NXPE2: variants seen among roughly 807,000 people sequenced by gnomAD.
The protein encoded by NXPE2 is neurexophilin and PC-esterase domain family member 2.
A neutral mutation model predicts 34.4 loss-of-function variants in NXPE2; 34 were observed. The ratio of observed to expected loss-of-function variants is 0.99; its 90% CI spans 0.75 to 1.31. NXPE2 has a LOEUF of 1.31. Among genes scored for constraint, NXPE2 ranks in the 40% most tolerant of loss-of-function variants. The pLI, the probability that NXPE2 is intolerant of heterozygous loss-of-function variation, is 0.00. For missense variants in NXPE2, 649 were observed against 672.5 expected (o/e 0.97, Z 0.39); for synonymous variants, 235 against 231.3 (o/e 1.02, Z -0.15).
the NXPE2 span, among the ~76,000 whole-genome samples, chr11:114,810,732 T>C: frequency 6.6e-6 from 1 of 152,172 alleles, no homozygotes; most frequent in Non-Finnish European, 1.5e-5. Context: ...ACTTTCACAT[T>C]GTTGGTGGGA....
chr11:114,767,555 G>T, the NXPE2 span, among the ~76,000 whole-genome samples: 2 of 152,158 alleles, frequency 1.3e-5, no homozygotes, highest in African/African-American at 2.4e-5. Flanking sequence ...TAGCAAAACT[G>T]TGAGTTTACT....
chr11:114,497,598 A>G, the NXPE2 span, among the ~76,000 whole-genome samples: 1 of 152,256 alleles, frequency 6.6e-6, no homozygotes, highest in African/African-American at 2.4e-5. Flanking sequence ...GCCTAGGAGC[A>G]ATAGGCAATA....
chr11:114,571,169 A>G, the NXPE2 span: 1 of 1,613,986 alleles, frequency 6.2e-7, no homozygotes. Flanking sequence ...TGATAACCAT[A>G]GTGTCTGGGC....
At chr11:114,645,862 A>G in the NXPE2 span, among the ~76,000 whole-genome samples, 4 of 152,338 alleles carry the variant, frequency 2.6e-5, no homozygotes, top group African/African-American at 9.6e-5. Context: ...TATAAAAATT[A>G]TAATTTGTTG....
the NXPE2 span, among the ~76,000 whole-genome samples, chr11:114,769,852 CCTATGGTAGATGACAGGATGAT>C: frequency 3.3e-5 from 5 of 152,114 alleles, no homozygotes; most frequent in Non-Finnish European, 7.4e-5. Context: ...AGGAGAAATA[CCTATGGTAGATGACAGGATGAT>C]GGGTGCAGTA....
the NXPE2 span, among the ~76,000 whole-genome samples, chr11:114,652,384 G>A: frequency 6.6e-6 from 1 of 152,172 alleles, no homozygotes. Flanking sequence ...CCTAGACTGC[G>A]ATTTGTACAG....
the NXPE2 span, among the ~76,000 whole-genome samples, chr11:114,473,992 C>T: frequency 1.3e-5 from 2 of 151,112 alleles, no homozygotes; most frequent in South Asian, 2.1e-4. Context: ...AGGATGGGGG[C>T]GAGAAAGAGA....
chr11:114,725,264 T>C, the NXPE2 span, among the ~76,000 whole-genome samples: 1 of 152,114 alleles, frequency 6.6e-6, no homozygotes, highest in Non-Finnish European at 1.5e-5. Context: ...TGTTAACAAG[T>C]GTGTTGTAAG....
the NXPE2 span, among the ~76,000 whole-genome samples, chr11:114,721,442 G>A: frequency 6.6e-6 from 1 of 152,062 alleles, no homozygotes; most frequent in African/African-American, 2.4e-5. Context: ...ACCTGCTGCT[G>A]TTTCTTGTCA....
the NXPE2 span, among the ~76,000 whole-genome samples, chr11:114,759,013 G>A: frequency 3.9e-5 from 6 of 151,964 alleles, no homozygotes; most frequent in Admixed American, 6.6e-5. Flanking sequence ...ACATGTGCAT[G>A]TGCTCACATC....
chr11:114,600,261 A>T, the NXPE2 span, among the ~76,000 whole-genome samples: 2 of 152,190 alleles, frequency 1.3e-5, no homozygotes, highest in African/African-American at 4.8e-5. Context: ...CAGTAAGAAG[A>T]CATATCTTGG....
At chr11:114,722,700 G>A in the NXPE2 span, among the ~76,000 whole-genome samples, 1 of 152,132 alleles carries the variant, frequency 6.6e-6, no homozygotes, top group African/African-American at 2.4e-5. Flanking sequence ...CAGCAGTGCT[G>A]CATATGAGCA....
the NXPE2 span, among the ~76,000 whole-genome samples, chr11:114,615,186 G>A: frequency 3.8e-4 from 58 of 151,760 alleles, no homozygotes; most frequent in East Asian, 5.1e-3. Context: ...GTATTCCTTC[G>A]TTGGTAACCA....
the NXPE2 span, among the ~76,000 whole-genome samples, chr11:114,499,157 T>C: frequency 6.6e-6 from 1 of 152,168 alleles, no homozygotes; most frequent in Non-Finnish European, 1.5e-5. Flanking sequence ...TTCAGGATTT[T>C]TAGCTTAGAT....
At chr11:114,715,988 G>A in the NXPE2 span, among the ~76,000 whole-genome samples, 1 of 152,298 alleles carries the variant, frequency 6.6e-6, no homozygotes, top group Non-Finnish European at 1.5e-5. Flanking sequence ...TGTATGTTTA[G>A]TCTTTTAATG....
the NXPE2 span, among the ~76,000 whole-genome samples, chr11:114,713,006 G>T: frequency 6.6e-6 from 1 of 152,158 alleles, no homozygotes; most frequent in Admixed American, 6.5e-5. Context: ...GATATTATGC[G>T]AAGTGGAAGA....
chr11:114,798,748 C>T, the NXPE2 span, among the ~76,000 whole-genome samples: 2 of 152,224 alleles, frequency 1.3e-5, no homozygotes, highest in Non-Finnish European at 2.9e-5. Flanking sequence ...TTTCATGGCT[C>T]TCCAGTTTGC....
the NXPE2 span, among the ~76,000 whole-genome samples, chr11:114,723,598 A>G: frequency 1.4e-4 from 21 of 152,162 alleles, no homozygotes; most frequent in African/African-American, 1.9e-4. Flanking sequence ...CCCAAATCTA[A>G]GTTACCTTCA....
In NXPE2 at chr11:114,706,702, G is replaced by C. The variant is rs1951481305; in HGVS notation, c.1452G>C (p.Lys484Asn). ...ERLFLRSPET[K>N]VILKTENTRE... ...TATTCTTGCGAAGCCCGGAGACCAA[G>C]GTGATACTTAAAACTGAAAACACCA... The change falls in exon 6 of 6, where the codon AAG (lysine) becomes AAC (asparagine). Residue 484 changes from lysine to asparagine, a missense_variant. Physicochemically the swap from Lys to Asn is moderately conservative, Grantham distance 94. Coordinates refer to ENST00000389586, the MANE Select transcript of NXPE2 (RefSeq NM_182495.6). 1.3e-6 allele frequency: 2 copies of C among 1,552,194 alleles called. No individual in the cohort carries two copies. The highest frequency in any genetic ancestry group is 2.4e-5 in the East Asian group (1 of 41,060).
Sources: gnomAD v4.1 joint callset for allele counts (sites outside exome capture counted in the v4.1 genomes callset) on GRCh38, gnomAD v4.1.1 for gene constraint, MANE v1.5 for transcripts, NCBI Gene and HGNC (gene_info 2026-07-23, HGNC 2026-07-21) for gene names.